CASQ2: variants seen among roughly 807,000 people sequenced by gnomAD.
The protein encoded by CASQ2 is calsequestrin-2.
CASQ2 carries 49 observed loss-of-function variants against 46.5 expected under a neutral mutation model. The ratio of observed to expected loss-of-function variants is 1.05; its 90% confidence interval spans 0.84 to 1.34. The LOEUF (loss-of-function observed/expected upper bound fraction) is 1.34, where lower values mean the gene tolerates loss of function less well. Among genes scored for constraint, CASQ2 ranks in the 40% most tolerant of loss-of-function variants. The pLI, the probability that CASQ2 is intolerant of heterozygous loss-of-function variation, is 0.00. For synonymous variants in CASQ2, 174 were observed against 168.5 expected (o/e 1.03, Z -0.25); for missense variants, 486 against 481.3 (o/e 1.01, Z -0.09).
At chr1:115,706,895 C>T (rs755839107) in intron 8 of CASQ2, among the ~76,000 whole-genome samples, 41 of 152,260 alleles carry the variant, frequency 2.7e-4, no homozygotes, top group Non-Finnish European at 4.6e-4. Flanking sequence ...CCAGGCAAAA[C>T]GCATACTATT....
intron 9 of CASQ2, 138 bp downstream of exon 9, chr1:115,705,054 C>G (rs1368273292): frequency 1.4e-5 from 10 of 725,884 alleles, no homozygotes; most frequent in Non-Finnish European, 2.3e-5. Context: ...GCCCCAAGGG[C>G]CAAGACCTCC....
Position 115,727,199 on chromosome 1 carries a change from G to A in CASQ2, c.607-77C>T, listed in dbSNP as rs898664694. 2.6e-6 allele frequency: 3 copies of A among 1,142,082 alleles called. No homozygotes were observed. In the South Asian group the frequency reaches 3.8e-5, roughly 14 times the overall value. 70.7% of individuals were successfully genotyped at this position (1,142,082 alleles called of 1,614,324 possible). On this transcript the variant is annotated intron_variant, in intron 5 of 10. Transcript: ENST00000261448. ...GCAGTGTGTTGTCCATCTAAGATAA[G>A]TGTGTATGTTTTCCGGCAAAGACAT...
chr1:115,726,883 G>T, intron 6 of CASQ2, 109 bp downstream of exon 6: 1 of 806,018 alleles, frequency 1.2e-6, no homozygotes. Context: ...GTACTGCTGG[G>T]GTACTAACTA....
chr1:115,742,259 G>A (rs545850510), intron 2 of CASQ2, among the ~76,000 whole-genome samples: 140 of 151,916 alleles, frequency 9.2e-4, no homozygotes, highest in African/African-American at 3.0e-3. Context: ...TTACAAGCAT[G>A]AGACACCGTG....
chr1:115,734,309 C>A (rs1172715377), intron 4 of CASQ2, among the ~76,000 whole-genome samples: 4 of 152,148 alleles, frequency 2.6e-5, no homozygotes, highest in Non-Finnish European at 5.9e-5. Context: ...CTATCAGAAT[C>A]CTCTATCCCC....
intron 1 of CASQ2, among the ~76,000 whole-genome samples, chr1:115,750,973 T>C (rs1648560491): frequency 1.3e-5 from 2 of 148,760 alleles, no homozygotes; most frequent in South Asian, 4.3e-4. Context: ...GACTCATGGA[T>C]ACTATGTCCC....
rs761915819 is a variant in CASQ2, at chr1:115,726,973, C to G, written c.737+19G>C. 1.3e-5 allele frequency: 20 copies of G among 1,591,684 alleles called. No homozygotes were observed. Among genetic ancestry groups the G allele is most frequent in the Admixed American group, 6.7e-5 (4 of 59,492 alleles). ...CCCCAGACCCCAGGCCCCCAGCCCC[C>G]ACATGCCATCTCAGGCACCTTTGGT... On this transcript the variant is annotated intron_variant, in intron 6 of 10. Coordinates refer to ENST00000261448, the MANE Select transcript of CASQ2 (RefSeq NM_001232.4).
intron 1 of CASQ2, among the ~76,000 whole-genome samples, chr1:115,764,124 A>G (rs1649050877): frequency 6.6e-6 from 1 of 152,242 alleles, no homozygotes; most frequent in Admixed American, 6.5e-5. Context: ...ATAAATGGCA[A>G]AAGAATTTTA....
chr1:115,760,672 C>T (rs549872153), intron 1 of CASQ2, among the ~76,000 whole-genome samples: 210 of 152,294 alleles, frequency 1.4e-3, no homozygotes, highest in Non-Finnish European at 2.4e-3. Context: ...TCAGCCTTTA[C>T]CCAGTGACCA....
chr1:115,739,150 T>C lies in CASQ2; in HGVS notation c.421-815A>G, dbSNP rs1354900909. Among the ~76,000 whole-genome samples, 16 of 93,288 alleles carry C rather than the reference T, an allele frequency of 1.7e-4. No homozygotes were observed. In the East Asian group the frequency reaches 2.9e-3, roughly 17 times the overall value. 61.2% of individuals were successfully genotyped at this position (93,288 alleles called of 152,430 possible). A position where few individuals can be genotyped will look rare whatever the true frequency, so the allele number is the denominator to read the frequency against. ...TTTTTGAGATGGAGTCATGCTGTGT[T>C]GCCCAGGCTGGAGTGCAGTGGCACG... On this transcript the variant is annotated intron_variant, in intron 3 of 10. Coordinates refer to ENST00000261448, the MANE Select transcript of CASQ2 (RefSeq NM_001232.4).
chr1:115,732,854 C>A, intron 5 of CASQ2, 47 bp downstream of exon 5: 2 of 1,338,630 alleles, frequency 1.5e-6, no homozygotes, highest in South Asian at 2.3e-5. Context: ...AACTTTAATT[C>A]TTCATGCCTA....
At chr1:115,715,704 A>T (rs1654679907) in intron 8 of CASQ2, among the ~76,000 whole-genome samples, 1 of 152,192 alleles carries the variant, frequency 6.6e-6, no homozygotes, top group Admixed American at 6.5e-5. Context: ...TTATATCTTG[A>T]TTTTATAAAT....
intron 7 of CASQ2, among the ~76,000 whole-genome samples, chr1:115,722,453 T>C (rs1331394921): frequency 6.6e-6 from 1 of 152,170 alleles, no homozygotes; most frequent in Non-Finnish European, 1.5e-5. Flanking sequence ...AGTATTTCTG[T>C]AGCAGTGTGG....
Position 115,700,855 on chromosome 1 carries a change from T to C in CASQ2, c.*386A>G. On this transcript the variant is annotated 3_prime_UTR_variant, in exon 11 of 11. Coordinates refer to ENST00000261448, the MANE Select transcript of CASQ2 (RefSeq NM_001232.4). ...TCTGATTAAAAGGTCACTCTATGCC[T>C]GTGAGTTAGAAAGCTGTCAATTTTG... 1.7e-6 allele frequency: 1 copy of C among 585,572 alleles called. No homozygotes were observed. Among genetic ancestry groups the C allele is most frequent in the Non-Finnish European group, 3.0e-6 (1 of 331,402 alleles). 36.3% of individuals were successfully genotyped at this position (585,572 alleles called of 1,614,324 possible).
At position 115,705,275 on chromosome 1, in the gene CASQ2, C is replaced by A. The variant is rs1471576368; in HGVS notation, c.856G>T (p.Glu286Ter). The change falls in exon 9 of 11, where the codon GAG becomes TAG. Residue 286 changes from glutamate to a stop codon, truncating the protein, a stop_gained. Coordinates refer to ENST00000261448, the MANE Select transcript of CASQ2 (RefSeq NM_001232.4). LOFTEE classifies it high-confidence loss of function. ...TCCCGGGCAACCTGTTTCAGGATCT[C>A]CAGGAATTCGTAGCCATCTGAAACA... ...KSDPDGYEFLEILKQVARDNT... is the reference protein window; with the variant it reads ...KSDPDGYEFL The A allele has an allele frequency of 6.2e-7, 1 of 1,612,984 alleles. No individual in the cohort carries two copies. The highest frequency in any genetic ancestry group is 1.7e-5 in the Admixed American group (1 of 60,014).
At chr1:115,761,477 A>AGGG (rs1648949679) in intron 1 of CASQ2, among the ~76,000 whole-genome samples, 2 of 18,362 alleles carry the variant, frequency 1.1e-4, no homozygotes, top group African/African-American at 1.7e-4. Flanking sequence ...AAGAAGAAGA[A>AGGG]GAAGAAGAAG....
At chr1:115,730,288 A>T (rs568720629) in intron 5 of CASQ2, among the ~76,000 whole-genome samples, 1 of 152,366 alleles carries the variant, frequency 6.6e-6, no homozygotes, top group African/African-American at 2.4e-5. Context: ...AATTTACATC[A>T]GCAGCCATGA....
rs755754418 is a variant in CASQ2 at position 115,702,953 on chromosome 1, T to C, written c.982A>G (p.Arg328Gly). 1.2e-6 allele frequency: 2 copies of C among 1,613,582 alleles called. No homozygotes were observed. Among genetic ancestry groups the C allele is most frequent in the Non-Finnish European group, 1.7e-6 (2 of 1,179,798 alleles). The change falls in exon 10 of 11, where the codon AGG (arginine) becomes GGG (glycine). Residue 328 changes from arginine to glycine, a missense_variant. By Grantham distance (125) the Arg-to-Gly change is moderately radical. Transcript: ENST00000261448. ...WEKTFKIDLF[R>G]PQIGVVNVTD... ...ACATTCACCACCCCAATCTGTGGCC[T>C]GAATAGGTCAATCTTGAAAGTCTTC...
intron 1 of CASQ2, among the ~76,000 whole-genome samples, chr1:115,751,864 T>G (rs1341382446): frequency 6.6e-6 from 1 of 152,172 alleles, no homozygotes; most frequent in East Asian, 1.9e-4. Flanking sequence ...TGTCCTGCAC[T>G]CTTTGTCCCA....
Sources: allele counts gnomAD v4.1 joint callset (sites outside exome capture counted in the v4.1 genomes callset), GRCh38; gene constraint gnomAD v4.1.1; transcripts MANE v1.5; gene names NCBI Gene and HGNC (gene_info 2026-07-23, HGNC 2026-07-21).